PRDM16: variants seen among roughly 807,000 people sequenced by gnomAD.
PRDM16 encodes the protein PR/SET domain 16.
A neutral mutation model predicts 110.6 loss-of-function variants in PRDM16; 23 were observed. The observed-to-expected ratio is 0.21, with a 90% CI of 0.15 to 0.29. The LOEUF is 0.29. Among genes scored for constraint, PRDM16 ranks in the 10% least tolerant of loss-of-function variants. The pLI is 1.00. For missense variants in PRDM16, 1,615 were observed against 1,794.3 expected (o/e 0.90, Z 1.81); for synonymous variants, 799 against 781.8 (o/e 1.02, Z -0.37).
At chr1:3,299,677 G>A (rs113180182) in intron 3 of PRDM16, among the ~76,000 whole-genome samples, 9 of 124,370 alleles carry the variant, frequency 7.2e-5, no homozygotes, top group East Asian at 2.8e-4. Context: ...TGATGTTTCC[G>A]ATCCCAGTCG....
chr1:3,268,953 G>C (rs2100277884), intron 3 of PRDM16, among the ~76,000 whole-genome samples: 1 of 152,312 alleles, frequency 6.6e-6, no homozygotes, highest in African/African-American at 2.4e-5. Flanking sequence ...ATGACCTGGG[G>C]GTCCTTCCAA....
intron 3 of PRDM16, among the ~76,000 whole-genome samples, chr1:3,338,060 CAG>C (rs1186096660): frequency 1.3e-5 from 2 of 152,232 alleles, no homozygotes; most frequent in Non-Finnish European, 2.9e-5. Context: ...CACATTCACA[CAG>C]ACACGTGTGC....
intron 3 of PRDM16, among the ~76,000 whole-genome samples, chr1:3,379,015 CTG>C (rs1403603061): frequency 1.3e-5 from 2 of 151,820 alleles, no homozygotes; most frequent in African/African-American, 2.4e-5. Flanking sequence ...CCACACCTGA[CTG>C]TGATAGCAGA....
intron 1 of PRDM16, among the ~76,000 whole-genome samples, chr1:3,114,170 C>CACGT: frequency 1.0e-5 from 1 of 100,334 alleles, no homozygotes; most frequent in Admixed American, 1.0e-4. Context: ...CACACGCACA[C>CACGT]ACACGCACAC....
chr1:3,070,441 G>A (rs1371222341), intron 1 of PRDM16, among the ~76,000 whole-genome samples: 1 of 148,332 alleles, frequency 6.7e-6, no homozygotes, highest in Non-Finnish European at 1.5e-5. Flanking sequence ...CGCGGCTCCC[G>A]CAGCCCCGCC....
chr1:3,115,238 C>A (rs2100650828), intron 1 of PRDM16, among the ~76,000 whole-genome samples: 1 of 152,348 alleles, frequency 6.6e-6, no homozygotes, highest in South Asian at 2.1e-4. Flanking sequence ...TTCATGAGAC[C>A]CTCATGTGAA....
intron 1 of PRDM16, among the ~76,000 whole-genome samples, chr1:3,120,338 A>G (rs1643068098): frequency 1.3e-5 from 2 of 152,060 alleles, no homozygotes; most frequent in African/African-American, 4.8e-5. Context: ...GGTACGCTTC[A>G]GCCTGGTTGA....
At chr1:3,277,721 A>C (rs1360695589) in intron 3 of PRDM16, among the ~76,000 whole-genome samples, 1 of 151,330 alleles carries the variant, frequency 6.6e-6, no homozygotes, top group Non-Finnish European at 1.5e-5. Flanking sequence ...CCACATGCAC[A>C]CACACACGCG....
intron 1 of PRDM16, among the ~76,000 whole-genome samples, chr1:3,078,224 T>A (rs1641942411): frequency 6.6e-6 from 1 of 152,066 alleles, no homozygotes; most frequent in Non-Finnish European, 1.5e-5. Flanking sequence ...GAGACCTGCA[T>A]GTCAGGGGGC....
chr1:3,224,857 A>T (rs924185182), intron 2 of PRDM16, among the ~76,000 whole-genome samples: 11 of 152,202 alleles, frequency 7.2e-5, no homozygotes, highest in African/African-American at 1.4e-4. Context: ...GGACTATGCA[A>T]TCTCGTCTCT....
At chr1:3,277,784 T>TGCACACAC (rs59663829) in intron 3 of PRDM16, among the ~76,000 whole-genome samples, 1 of 139,126 alleles carries the variant, frequency 7.2e-6, no homozygotes, top group African/African-American at 3.0e-5. Flanking sequence ...CACGCACACA[T>TGCACACAC]ATGCACACAC....
At chr1:3,379,051 C>T (rs1384578561) in intron 3 of PRDM16, among the ~76,000 whole-genome samples, 15 of 151,004 alleles carry the variant, frequency 9.9e-5, no homozygotes, top group African/African-American at 2.4e-4. Flanking sequence ...CCTCCCAGCG[C>T]GCCCTTCCTG....
chr1:3,272,325 G>A (rs766058740), intron 3 of PRDM16, among the ~76,000 whole-genome samples: 1 of 152,180 alleles, frequency 6.6e-6, no homozygotes, highest in African/African-American at 2.4e-5. Flanking sequence ...GGGGCTCTCC[G>A]TGGGGGCTCT....
intron 3 of PRDM16, among the ~76,000 whole-genome samples, chr1:3,270,706 CGGAGGAGGACAGTCG>C (rs1403550048): frequency 7.0e-6 from 1 of 143,492 alleles, no homozygotes; most frequent in Non-Finnish European, 1.5e-5. Context: ...AGGACAGTCC[CGGAGGAGGACAGTCG>C]GGAGGAGGAC....
At chr1:3,341,408 C>G (rs1642269548) in intron 3 of PRDM16, among the ~76,000 whole-genome samples, 2 of 152,210 alleles carry the variant, frequency 1.3e-5, no homozygotes, top group African/African-American at 4.8e-5. Flanking sequence ...GGGGGGCAAC[C>G]TGGCGACTTT....
In PRDM16 at chr1:3,177,191, A is replaced by G. The variant is rs571711393; in HGVS notation, c.38-8934A>G. ...TATTCATCTATTCACCCATCTATCAATCTTTCCATCCATTCGTAAATTCAT... is the reference window on the plus strand; with the variant it reads ...TATTCATCTATTCACCCATCTATCAGTCTTTCCATCCATTCGTAAATTCAT... On this transcript the variant is annotated intron_variant, in intron 1 of 16. Coordinates refer to ENST00000270722, the MANE Select transcript of PRDM16 (RefSeq NM_022114.4). Among the ~76,000 whole-genome samples, 3 of 151,794 alleles carry G rather than the reference A, an allele frequency of 2.0e-5. No homozygotes were observed. The South Asian group carries it at 6.3e-4, about 32-fold the overall frequency.
chr1:3,418,095 CG>C, intron 11 of PRDM16, 98 bp downstream of exon 11: 1 of 1,023,558 alleles, frequency 9.8e-7, no homozygotes, highest in East Asian at 2.6e-5. Context: ...CTCAGAGTCC[CG>C]GCCATAGGAA....
intron 3 of PRDM16, among the ~76,000 whole-genome samples, chr1:3,300,748 C>G (rs1255466897): frequency 6.6e-6 from 1 of 152,164 alleles, no homozygotes; most frequent in Admixed American, 6.6e-5. Context: ...GTACCATCCC[C>G]CCGAACCCCA....
At chr1:3,186,778 C>T (rs1644273721) in intron 2 of PRDM16, among the ~76,000 whole-genome samples, 1 of 152,232 alleles carries the variant, frequency 6.6e-6, no homozygotes, top group African/African-American at 2.4e-5. Context: ...GGCGCGAACA[C>T]TGCCATCGCG....
Sources: allele counts gnomAD v4.1 joint callset (sites outside exome capture counted in the v4.1 genomes callset), GRCh38; gene constraint gnomAD v4.1.1; transcripts MANE v1.5; gene names NCBI Gene and HGNC (gene_info 2026-07-23, HGNC 2026-07-21).